Variants in PRKG1 observed in about 807,000 individuals in gnomAD.
PRKG1 encodes the protein cGMP-dependent protein kinase 1.
In PRKG1, 35 loss-of-function variants were observed where a neutral mutation model predicts 88.1. That is an observed-to-expected ratio of 0.40 (90% CI 0.30 to 0.53). The LOEUF (loss-of-function observed/expected upper bound fraction) is 0.53, where lower values mean the gene tolerates loss of function less well. Among genes scored for constraint, PRKG1 ranks in the 20% least tolerant of loss-of-function variants. The probability of loss-of-function intolerance (pLI) is 0.59; values close to 1 mark genes in which losing one functional copy is unlikely to be tolerated. For missense variants in PRKG1, 540 were observed against 839.8 expected (o/e 0.64, Z 4.41); for synonymous variants, 303 against 292.5 (o/e 1.04, Z -0.37).
intron 1 of PRKG1, among the ~76,000 whole-genome samples, chr10:51,088,624 G>A (rs1428150604): frequency 6.6e-6 from 1 of 151,812 alleles, no homozygotes; most frequent in Non-Finnish European, 1.5e-5. Flanking sequence ...TTGGGTTTGT[G>A]GTGCCGTGTA....
intron 8 of PRKG1, among the ~76,000 whole-genome samples, chr10:52,158,424 A>G (rs1288698065): frequency 1.3e-5 from 2 of 151,640 alleles, no homozygotes; most frequent in African/African-American, 4.8e-5. Context: ...GGGTTCACAC[A>G]GATGTCAGGT....
intron 4 of PRKG1, among the ~76,000 whole-genome samples, chr10:51,806,737 T>G (rs1052620179): frequency 1.3e-5 from 2 of 152,156 alleles, no homozygotes; most frequent in African/African-American, 4.8e-5. Flanking sequence ...GTTGCATTAT[T>G]TACAGCCTCA....
At chr10:51,620,843 C>T (rs1839186475) in intron 3 of PRKG1, among the ~76,000 whole-genome samples, 1 of 151,606 alleles carries the variant, frequency 6.6e-6, no homozygotes, top group Non-Finnish European at 1.5e-5. Context: ...AGAGTTTGGA[C>T]CAGTATCTTT....
chr10:51,941,622 G>C (rs573582409), intron 5 of PRKG1, among the ~76,000 whole-genome samples: 94 of 91,458 alleles, frequency 1.0e-3, no homozygotes, highest in African/African-American at 3.7e-3. Flanking sequence ...CCCCACAACA[G>C]TCCCCAGAGT....
chr10:51,748,169 G>A (rs12267482), intron 3 of PRKG1, among the ~76,000 whole-genome samples: 11,687 of 152,232 alleles, frequency 0.077, 495 homozygotes, highest in East Asian at 0.089. Flanking sequence ...CTTATCCAAG[G>A]GAGAAGCAGA....
chr10:52,183,475 G>A (rs1452757333), intron 9 of PRKG1, among the ~76,000 whole-genome samples: 2 of 152,210 alleles, frequency 1.3e-5, no homozygotes, highest in African/African-American at 4.8e-5. Flanking sequence ...GTTCTTCCTG[G>A]GTGGGACTGC....
chr10:51,207,682 C>T (rs1472818934), intron 2 of PRKG1, among the ~76,000 whole-genome samples: 1 of 152,026 alleles, frequency 6.6e-6, no homozygotes, highest in Non-Finnish European at 1.5e-5. Context: ...CCAAACGTTC[C>T]TTTAGATTTA....
chr10:51,453,079 A>T (rs1320843726), intron 2 of PRKG1, among the ~76,000 whole-genome samples: 1 of 151,954 alleles, frequency 6.6e-6, no homozygotes, highest in Non-Finnish European at 1.5e-5. Flanking sequence ...TTGTGCACAT[A>T]AAGGTGTTCA....
chr10:51,364,077 C>A (rs1332837506), intron 2 of PRKG1, among the ~76,000 whole-genome samples: 1 of 151,992 alleles, frequency 6.6e-6, no homozygotes, highest in Non-Finnish European at 1.5e-5. Context: ...ACATGCTCAG[C>A]CTTCTTAGCA....
At chr10:51,690,299 AT>A (rs1320423021) in intron 3 of PRKG1, among the ~76,000 whole-genome samples, 1 of 152,150 alleles carries the variant, frequency 6.6e-6, no homozygotes, top group East Asian at 1.9e-4. Flanking sequence ...CGGGGATTAT[AT>A]TTCAATATGA....
At chr10:51,738,644 G>T (rs1011555512) in intron 3 of PRKG1, among the ~76,000 whole-genome samples, 1 of 151,594 alleles carries the variant, frequency 6.6e-6, no homozygotes, top group Non-Finnish European at 1.5e-5. Context: ...TGGTGAGAAT[G>T]AGCTGACTGG....
chr10:51,730,069 T>C (rs1385760635), intron 3 of PRKG1, among the ~76,000 whole-genome samples: 1 of 152,202 alleles, frequency 6.6e-6, no homozygotes, highest in Non-Finnish European at 1.5e-5. Flanking sequence ...TTATGCATTA[T>C]ATGGGTTTGG....
At chr10:51,365,533 T>C (rs1259237917) in intron 2 of PRKG1, among the ~76,000 whole-genome samples, 2 of 152,076 alleles carry the variant, frequency 1.3e-5, no homozygotes, top group Non-Finnish European at 1.5e-5. Flanking sequence ...CCCCAATAAA[T>C]TGGTTAATTT....
intron 3 of PRKG1, among the ~76,000 whole-genome samples, chr10:51,724,862 T>A (rs10999106): frequency 0.086 from 12,482 of 145,708 alleles, 533 homozygotes; most frequent in African/African-American, 0.13. Flanking sequence ...CCTGGCTAAT[T>A]TTTGTACTTT....
intron 4 of PRKG1, among the ~76,000 whole-genome samples, chr10:51,834,171 G>A (rs997962735): frequency 6.6e-6 from 1 of 152,022 alleles, no homozygotes; most frequent in Admixed American, 6.6e-5. Flanking sequence ...CCCCAAATGT[G>A]TTTCAATCTC....
intron 2 of PRKG1, among the ~76,000 whole-genome samples, chr10:51,243,519 C>A (rs1196073950): frequency 2.0e-5 from 3 of 152,160 alleles, no homozygotes; most frequent in African/African-American, 7.2e-5. Context: ...TCTTCCTCCT[C>A]CCTGGACTCA....
At chr10:51,303,810 T>C (rs536297196) in intron 2 of PRKG1, among the ~76,000 whole-genome samples, 11 of 151,894 alleles carry the variant, frequency 7.2e-5, no homozygotes, top group African/African-American at 1.4e-4. Context: ...TCTATATATA[T>C]ATACACACAC....
chr10:52,064,142 G>A (rs1846301817), intron 7 of PRKG1, among the ~76,000 whole-genome samples: 1 of 152,156 alleles, frequency 6.6e-6, no homozygotes, highest in Admixed American at 6.5e-5. Flanking sequence ...TGCCATTCAT[G>A]ACACCCAGGC....
At chr10:51,503,102 G>A (rs1375948131) in intron 3 of PRKG1, among the ~76,000 whole-genome samples, 1 of 152,106 alleles carries the variant, frequency 6.6e-6, no homozygotes, top group Non-Finnish European at 1.5e-5. Flanking sequence ...CTTTAAAGGA[G>A]GAGGGAAAGT....
Sources: allele counts gnomAD v4.1 joint callset (sites outside exome capture counted in the v4.1 genomes callset), GRCh38; gene constraint gnomAD v4.1.1; transcripts MANE v1.5; gene names NCBI Gene and HGNC (gene_info 2026-07-23, HGNC 2026-07-21).